USP15: variants seen among roughly 807,000 people sequenced by gnomAD.
The protein encoded by USP15 is ubiquitin carboxyl-terminal hydrolase 15.
Under a neutral mutation model 127.1 loss-of-function variants are expected in USP15, and 18 were observed. The ratio of observed to expected loss-of-function variants is 0.14; its 90% CI spans 0.10 to 0.21. USP15 has a LOEUF of 0.21. USP15 is among the 10% of genes least tolerant of loss of function. The pLI, the probability that USP15 is intolerant of heterozygous loss-of-function variation, is 1.00. For synonymous variants in USP15, 364 were observed against 393.7 expected (o/e 0.92, Z 0.89); for missense variants, 805 against 1,159.9 (o/e 0.69, Z 4.44).
intron 5 of USP15, among the ~76,000 whole-genome samples, chr12:62,322,684 C>A (rs1162922629): frequency 6.6e-6 from 1 of 152,142 alleles, no homozygotes; most frequent in Non-Finnish European, 1.5e-5. Flanking sequence ...AATACTCATT[C>A]TAAAATGTAA....
chr12:62,396,611 G>A (rs1356213238), intron 20 of USP15, among the ~76,000 whole-genome samples: 1 of 151,722 alleles, frequency 6.6e-6, no homozygotes, highest in Non-Finnish European at 1.5e-5. Context: ...CTCAGTTCAA[G>A]GCCTAGTAGG....
At chr12:62,266,214 A>T (rs1363883069) in intron 1 of USP15, among the ~76,000 whole-genome samples, 1 of 152,184 alleles carries the variant, frequency 6.6e-6, no homozygotes, top group African/African-American at 2.4e-5. Context: ...TGGCCCCTTC[A>T]CATATAGTTT....
At chr12:62,383,593 A>C (rs1335369410) in intron 9 of USP15, among the ~76,000 whole-genome samples, 1 of 151,974 alleles carries the variant, frequency 6.6e-6, no homozygotes, top group Admixed American at 6.6e-5. Context: ...TCAGAGCTGA[A>C]ACAACAAGCC....
In USP15 at chr12:62,392,291, G is replaced by C. The variant is rs2067350586; in HGVS notation, c.2324G>C (p.Ser775Thr). The change falls in exon 18 of 22, where the codon AGT becomes ACT. Residue 775 changes from serine (S) to threonine (T), a missense_variant. Ser to Thr is a moderately conservative substitution (Grantham distance 58, BLOSUM62 1). Coordinates refer to ENST00000280377, the MANE Select transcript of USP15 (RefSeq NM_001252078.2). ...CTTTAGGACTTTGAAAAACATGAAA[G>C]TGTGGAGTATAAACCTCCTAAAAAA... Reference protein sequence around the residue: ...NAAEDFEKHESVEYKPPKKPF... With the variant: ...NAAEDFEKHETVEYKPPKKPF... The C allele has an allele frequency of 3.1e-6, 5 of 1,597,868 alleles. No homozygotes were observed. In the African/African-American group the frequency reaches 5.4e-5, roughly 17 times the overall value.
At chr12:62,289,080 G>A (rs1029727556) in intron 1 of USP15, among the ~76,000 whole-genome samples, 7 of 152,106 alleles carry the variant, frequency 4.6e-5, no homozygotes, top group African/African-American at 1.7e-4. Context: ...TTTGGCTTTG[G>A]TATCCGGGTG....
intron 11 of USP15, 59 bp from the exon 12 acceptor site, chr12:62,389,372 C>CA: frequency 2.8e-6 from 4 of 1,427,158 alleles, no homozygotes. Context: ...AGGTCACTCT[C>CA]ATTTACTGAA....
chr12:62,282,321 C>A (rs1289285520), intron 1 of USP15, among the ~76,000 whole-genome samples: 1 of 151,864 alleles, frequency 6.6e-6, no homozygotes, highest in African/African-American at 2.4e-5. Flanking sequence ...CAGAGCAAGA[C>A]CCTGTCTCCA....
chr12:62,387,760 AT>A (rs752329583), intron 11 of USP15, among the ~76,000 whole-genome samples: 7 of 152,022 alleles, frequency 4.6e-5, no homozygotes, highest in Non-Finnish European at 1.0e-4. Context: ...AGGGGAGATA[AT>A]TAGAGGGAAA....
chr12:62,274,315 G>C (rs2063420024), intron 1 of USP15: 2 of 150,832 alleles, frequency 1.3e-5, no homozygotes, highest in African/African-American at 4.9e-5. Context: ...GGGAACATAG[G>C]ATTTCAAAAA....
intron 1 of USP15, 137 bp downstream of exon 1, chr12:62,260,640 C>A (rs962695835): frequency 2.6e-6 from 2 of 780,950 alleles, no homozygotes; most frequent in African/African-American, 3.5e-5. Context: ...GGATTTTGGC[C>A]GCTTCTGAAA....
At chr12:62,312,327 C>A in intron 3 of USP15, 1 of 338,518 alleles carries the variant, frequency 3.0e-6, no homozygotes, top group South Asian at 2.3e-5. Flanking sequence ...TTCCATGAAA[C>A]TTTTCATACA....
intron 3 of USP15, among the ~76,000 whole-genome samples, chr12:62,307,035 A>G (rs997256324): frequency 1.1e-4 from 17 of 152,188 alleles, no homozygotes; most frequent in African/African-American, 3.9e-4. Context: ...CTTTCTCAGC[A>G]TAAAGCCAAA....
chr12:62,369,612 A>G (rs1244849778), intron 8 of USP15, among the ~76,000 whole-genome samples: 3 of 152,162 alleles, frequency 2.0e-5, no homozygotes, highest in Non-Finnish European at 2.9e-5. Flanking sequence ...TCAATTATAT[A>G]CCGGATTTGG....
intron 20 of USP15, among the ~76,000 whole-genome samples, chr12:62,398,318 A>G (rs2067565362): frequency 6.6e-6 from 1 of 151,794 alleles, no homozygotes; most frequent in Non-Finnish European, 1.5e-5. Context: ...TGTCTAATTG[A>G]TTTCTTCCCT....
intron 11 of USP15, among the ~76,000 whole-genome samples, chr12:62,384,642 T>C (rs1184102658): frequency 2.5e-5 from 1 of 39,694 alleles, no homozygotes; most frequent in Non-Finnish European, 5.2e-5. Context: ...GTGTTAATTG[T>C]AATTTTTTTT....
intron 1 of USP15, among the ~76,000 whole-genome samples, chr12:62,264,426 A>T (rs1312136911): frequency 1.3e-5 from 2 of 152,192 alleles, no homozygotes; most frequent in Non-Finnish European, 2.9e-5. Context: ...TTTATGTGTG[A>T]TTATGTTAAG....
intron 9 of USP15, among the ~76,000 whole-genome samples, chr12:62,382,070 C>CT (rs1460846638): frequency 9.2e-5 from 14 of 151,988 alleles, no homozygotes; most frequent in Admixed American, 3.9e-4. Flanking sequence ...TTACTGAACT[C>CT]TAAGAACCCA....
At chr12:62,391,456 A>C in intron 16 of USP15, 27 bp downstream of exon 16, 6 of 1,581,756 alleles carry the variant, frequency 3.8e-6, no homozygotes, top group Non-Finnish European at 5.1e-6. Flanking sequence ...AATGGCTTGA[A>C]CATTAAACAA....
chr12:62,392,955 A>G, intron 18 of USP15, 98 bp from the exon 19 acceptor site: 1 of 1,384,954 alleles, frequency 7.2e-7, no homozygotes, highest in Non-Finnish European at 9.9e-7. Flanking sequence ...TGCCCACTGA[A>G]TAAATGTAGA....
Sources: gnomAD v4.1 joint callset for allele counts (sites outside exome capture counted in the v4.1 genomes callset) on GRCh38, gnomAD v4.1.1 for gene constraint, MANE v1.5 for transcripts, NCBI Gene and HGNC (gene_info 2026-07-23, HGNC 2026-07-21) for gene names.